Variants in CACNA2D1 observed in about 807,000 individuals in gnomAD.
CACNA2D1 encodes calcium voltage-gated channel auxiliary subunit alpha2delta 1.
A neutral mutation model predicts 171.5 loss-of-function variants in CACNA2D1; 53 were observed. The ratio of observed to expected loss-of-function variants is 0.31; its 90% CI spans 0.25 to 0.39. The LOEUF (loss-of-function observed/expected upper bound fraction) is 0.39, where lower values mean the gene tolerates loss of function less well. Ranked by LOEUF, CACNA2D1 falls within the 10% of genes least tolerant of loss-of-function variation. The pLI, the probability that CACNA2D1 is intolerant of heterozygous loss-of-function variation, is 1.00. For synonymous variants in CACNA2D1, 442 were observed against 443.1 expected (o/e 1.00, Z 0.03); for missense variants, 903 against 1,299.8 (o/e 0.69, Z 4.69).
intron 7 of CACNA2D1, among the ~76,000 whole-genome samples, chr7:82,067,090 A>C (rs1807731563): frequency 6.6e-6 from 1 of 152,156 alleles, no homozygotes; most frequent in Non-Finnish European, 1.5e-5. Flanking sequence ...CAGATTCAAC[A>C]ATCTTGTATG....
In CACNA2D1 at chr7:82,163,515, GAAAT is replaced by G. The variant is rs1159627963; in HGVS notation, c.354+7031_354+7034del. 1.4e-4 allele frequency among the ~76,000 whole-genome samples: 21 copies of G among 151,972 alleles called. No individual in the cohort carries two copies. The East Asian group carries it at 3.3e-3, about 24-fold the overall frequency. On this transcript the variant is annotated intron_variant, in intron 4 of 38. Coordinates refer to ENST00000356860, the MANE Select transcript of CACNA2D1 (RefSeq NM_000722.4). ...CATTGAGAAGATGAGGGTAAAGTAA[GAAAT>G]AAAGACACACAAAGAAAGGCACTTC...
rs1424988657 is a variant in CACNA2D1 at position 81,962,115 on chromosome 7, A to C, written c.2837-92T>G. 3 of 1,235,146 alleles carry C rather than the reference A, an allele frequency of 2.4e-6. No homozygotes were observed. The Middle Eastern group carries it at 5.9e-4, about 242-fold the overall frequency. 76.5% of individuals were successfully genotyped at this position (1,235,146 alleles called of 1,614,324 possible). The stretch of plus-strand genomic sequence containing the variant: ...CTCGAGTCTTCACTTCTCACAGAGC[A>C]AAATAAACGTATAAGACCAGGACCC... On this transcript the variant is annotated intron_variant, in intron 35 of 38. Transcript: ENST00000356860.
intron 3 of CACNA2D1, among the ~76,000 whole-genome samples, chr7:82,180,518 GA>G (rs1336057603): frequency 5.9e-5 from 9 of 152,232 alleles, no homozygotes; most frequent in Non-Finnish European, 2.9e-5. Context: ...CAAAATCTCA[GA>G]CCCTTTACAT....
At chr7:81,985,762 T>G (rs1468691387) in intron 21 of CACNA2D1, among the ~76,000 whole-genome samples, 3 of 152,176 alleles carry the variant, frequency 2.0e-5, no homozygotes, top group Non-Finnish European at 2.9e-5. Context: ...AAATGTGTCT[T>G]GAGTTTTGTA....
At chr7:82,181,041 ATTTTTTTTTTTTTTT>A (rs71093367) in intron 3 of CACNA2D1, among the ~76,000 whole-genome samples, 25 of 13,960 alleles carry the variant, frequency 1.8e-3, no homozygotes, top group East Asian at 6.2e-3. Flanking sequence ...GGCATGTCGG[ATTTTTTTTTTTTTTT>A]TTTTTTTTTT....
In CACNA2D1 at chr7:81,958,113, A is replaced by G. The variant is rs528496157; in HGVS notation, c.3159+1162T>C. ...AATATATCTTAAAAAGAAAAAAAAA[A>G]CGCTTAGTTGCAATGTTGAATTACT... On this transcript the variant is annotated intron_variant, in intron 38 of 38. Transcript: ENST00000356860. Among the ~76,000 whole-genome samples the G allele has an allele frequency of 1.1e-4, 16 of 152,016 alleles. No individual in the cohort carries two copies. The South Asian group carries it at 3.3e-3, about 32-fold the overall frequency.
At chr7:81,960,076 T>A (rs1793928333) in intron 36 of CACNA2D1, among the ~76,000 whole-genome samples, 1 of 152,086 alleles carries the variant, frequency 6.6e-6, no homozygotes, top group African/African-American at 2.4e-5. Context: ...TTTTAAAGTA[T>A]TAATCCTCAT....
At chr7:82,248,600 A>T (rs1002233677) in intron 3 of CACNA2D1, among the ~76,000 whole-genome samples, 11 of 152,206 alleles carry the variant, frequency 7.2e-5, no homozygotes, top group African/African-American at 2.7e-4. Flanking sequence ...AAACCCAAGT[A>T]ATATTTTTCT....
chr7:82,255,422 T>G (rs894804535), intron 3 of CACNA2D1, among the ~76,000 whole-genome samples: 6 of 152,166 alleles, frequency 3.9e-5, no homozygotes, highest in Non-Finnish European at 5.9e-5. Context: ...GCTCCAAAGG[T>G]GAGCACTTTA....
intron 4 of CACNA2D1, among the ~76,000 whole-genome samples, chr7:82,147,320 C>T (rs1793260005): frequency 6.6e-6 from 1 of 151,844 alleles, no homozygotes; most frequent in Non-Finnish European, 1.5e-5. Context: ...TTTGGTGTTC[C>T]AAATGATATC....
chr7:82,048,064 A>G (rs546517752), intron 10 of CACNA2D1, among the ~76,000 whole-genome samples: 2 of 152,192 alleles, frequency 1.3e-5, no homozygotes, highest in Non-Finnish European at 2.9e-5. Context: ...CTAGACAGAA[A>G]GGATACATCC....
intron 3 of CACNA2D1, among the ~76,000 whole-genome samples, chr7:82,216,651 T>C (rs76799164): frequency 0.27 from 40,316 of 151,932 alleles, 6,569 homozygotes; most frequent in Non-Finnish European, 0.37. Flanking sequence ...CATAATGAGA[T>C]AGTTTGCTCC....
At chr7:81,975,604 T>C (rs969074945) in intron 24 of CACNA2D1, among the ~76,000 whole-genome samples, 2 of 152,164 alleles carry the variant, frequency 1.3e-5, no homozygotes, top group Non-Finnish European at 2.9e-5. Flanking sequence ...TTAATAGTTT[T>C]TTTGCCTTCT....
chr7:82,101,608 A>C (rs1812689079), intron 6 of CACNA2D1, among the ~76,000 whole-genome samples: 1 of 152,198 alleles, frequency 6.6e-6, no homozygotes, highest in East Asian at 1.9e-4. Flanking sequence ...TTTAGGTTTT[A>C]TCCTTTGTGA....
chr7:82,206,684 G>A (rs1800031561), intron 3 of CACNA2D1, among the ~76,000 whole-genome samples: 1 of 152,030 alleles, frequency 6.6e-6, no homozygotes, highest in Non-Finnish European at 1.5e-5. Context: ...GCTTTTGGTA[G>A]TAAAATATAA....
intron 3 of CACNA2D1, among the ~76,000 whole-genome samples, chr7:82,301,140 G>A (rs1039283271): frequency 3.3e-5 from 5 of 152,026 alleles, no homozygotes; most frequent in African/African-American, 1.2e-4. Context: ...TTGATGGCGG[G>A]GGAGGGATGG....
intron 4 of CACNA2D1, among the ~76,000 whole-genome samples, chr7:82,150,474 G>T (rs1793745779): frequency 6.7e-6 from 1 of 149,974 alleles, no homozygotes; most frequent in Admixed American, 6.6e-5. Context: ...GTAGAAGCAT[G>T]TAAAACTGTA....
At chr7:82,011,965 A>T (rs952074691) in intron 15 of CACNA2D1, 189 bp downstream of exon 15, 11 of 572,314 alleles carry the variant, frequency 1.9e-5, no homozygotes, top group Admixed American at 3.0e-5. Context: ...TTGCATTTGT[A>T]GTTTTCTACT....
At chr7:82,115,274 AAATAT>A (rs1357994835) in intron 6 of CACNA2D1, among the ~76,000 whole-genome samples, 64 of 152,336 alleles carry the variant, frequency 4.2e-4, no homozygotes, top group African/African-American at 1.5e-3. Context: ...CTAAAGTGGA[AAATAT>A]ATTATTCAAA....
Sources: gnomAD v4.1 joint callset for allele counts (sites outside exome capture counted in the v4.1 genomes callset) on GRCh38, gnomAD v4.1.1 for gene constraint, MANE v1.5 for transcripts, NCBI Gene and HGNC (gene_info 2026-07-23, HGNC 2026-07-21) for gene names.